Variants in GLG1 observed in about 807,000 individuals in gnomAD.
GLG1 encodes the protein golgi glycoprotein 1.
In GLG1, 38 loss-of-function variants were observed where a neutral mutation model predicts 160.5. The observed-to-expected ratio is 0.24, with a 90% CI of 0.18 to 0.31. GLG1 has a LOEUF of 0.31. Among genes scored for constraint, GLG1 ranks in the 10% least tolerant of loss-of-function variants. GLG1 has a pLI of 1.00. For synonymous variants in GLG1, 644 were observed against 543.4 expected, an observed-to-expected ratio of 1.19 and a Z score of -2.57; for missense variants, 1,373 against 1,505.2, an observed-to-expected ratio of 0.91 and a Z score of 1.45.
chr16:74,549,851 C>T (rs1456089934), intron 1 of GLG1, among the ~76,000 whole-genome samples: 4 of 151,862 alleles, frequency 2.6e-5, no homozygotes, highest in African/African-American at 4.8e-5. Flanking sequence ...TGGTGGCTCA[C>T]GCCTGTAATC....
intron 1 of GLG1, among the ~76,000 whole-genome samples, chr16:74,573,203 C>T (rs1250544621): frequency 6.6e-6 from 1 of 151,916 alleles, no homozygotes; most frequent in Non-Finnish European, 1.5e-5. Flanking sequence ...TATTTCTAGA[C>T]AAAAAAACCC....
chr16:74,468,139 T>C (rs2015066039), intron 17 of GLG1: 2 of 263,194 alleles, frequency 7.6e-6, no homozygotes, highest in Non-Finnish European at 1.4e-5. Flanking sequence ...AAAACCATTA[T>C]ATAAATGTAG....
chr16:74,602,959 A>G (rs1958476876), intron 1 of GLG1, among the ~76,000 whole-genome samples: 1 of 151,674 alleles, frequency 6.6e-6, no homozygotes, highest in Admixed American at 6.6e-5. Context: ...TGAGGAGTTC[A>G]AGACCAGCCT....
rs575576658 is a variant in GLG1, at chr16:74,543,604, G to A, written c.439-11451C>T. ...GCTTAGATAACATCATTCTACAGTT[G>A]GTAGAAAAAAGGTATACATCAATAA... On this transcript the variant is annotated intron_variant, in intron 1 of 25. Coordinates refer to ENST00000422840, the MANE Select transcript of GLG1 (RefSeq NM_001145667.2). 1.8e-3 allele frequency among the ~76,000 whole-genome samples: 280 copies of A among 151,984 alleles called. 4 individuals are homozygous for A. The highest frequency in any genetic ancestry group is 6.5e-3 in the African/African-American group (269 of 41,478).
chr16:74,592,541 C>G (rs1286223726), intron 1 of GLG1, among the ~76,000 whole-genome samples: 7 of 152,076 alleles, frequency 4.6e-5, no homozygotes, highest in Admixed American at 4.6e-4. Context: ...TCTCTTAAGG[C>G]AGCGAACAAA....
At chr16:74,479,070 A>AAAAAAAAAAAAAAAAAAAAAAC (rs2015502211) in intron 11 of GLG1, among the ~76,000 whole-genome samples, 1 of 132,676 alleles carries the variant, frequency 7.5e-6, no homozygotes, top group African/African-American at 2.8e-5. Flanking sequence ...AAAAAAAAAA[A>AAAAAAAAAAAAAAAAAAAAAAC]AAAAAAAAGC....
intron 4 of GLG1, among the ~76,000 whole-genome samples, chr16:74,502,389 T>A (rs2016437159): frequency 6.6e-6 from 1 of 152,226 alleles, no homozygotes; most frequent in African/African-American, 2.4e-5. Context: ...TTATTTTCTT[T>A]CCTGTCTTTA....
chr16:74,511,129 C>A (rs150735013), intron 2 of GLG1, among the ~76,000 whole-genome samples: 1 of 151,978 alleles, frequency 6.6e-6, no homozygotes, highest in Non-Finnish European at 1.5e-5. Flanking sequence ...CCAAGAATAA[C>A]GGGGAATCGC....
intron 9 of GLG1, among the ~76,000 whole-genome samples, chr16:74,484,459 A>G (rs2015720078): frequency 6.6e-6 from 1 of 151,478 alleles, no homozygotes; most frequent in Non-Finnish European, 1.5e-5. Flanking sequence ...CGCCACCAAC[A>G]CCCCACTAAT....
intron 1 of GLG1, among the ~76,000 whole-genome samples, chr16:74,546,793 A>G (rs2550841): frequency 7.7e-6 from 1 of 129,802 alleles, no homozygotes; most frequent in Non-Finnish European, 1.6e-5. Flanking sequence ...AGCTGAGATC[A>G]TGCCACTGCA....
intron 1 of GLG1, among the ~76,000 whole-genome samples, chr16:74,563,806 A>G (rs1054898383): frequency 6.6e-6 from 1 of 152,240 alleles, no homozygotes; most frequent in Non-Finnish European, 1.5e-5. Context: ...TTCTACTGCA[A>G]AGGCTATGGT....
At chr16:74,461,157 T>C (rs2014775574) in intron 22 of GLG1, among the ~76,000 whole-genome samples, 1 of 152,042 alleles carries the variant, frequency 6.6e-6, no homozygotes, top group Non-Finnish European at 1.5e-5. Flanking sequence ...CTTACGGCCA[T>C]TATAGAATTA....
intron 2 of GLG1, among the ~76,000 whole-genome samples, chr16:74,513,152 T>C (rs1003675913): frequency 6.6e-6 from 1 of 152,158 alleles, no homozygotes; most frequent in African/African-American, 2.4e-5. Context: ...TGGATAATTT[T>C]GACCAAAGAA....
intron 1 of GLG1, among the ~76,000 whole-genome samples, chr16:74,602,241 T>C (rs1958454221): frequency 2.0e-5 from 3 of 152,288 alleles, no homozygotes; most frequent in African/African-American, 7.2e-5. Flanking sequence ...GCTTAGAGCA[T>C]GGCTACAAAT....
Position 74,532,119 on chromosome 16 carries a change from A to G in GLG1, c.471+2T>C. 1 of 1,383,838 alleles carries G rather than the reference A, an allele frequency of 7.2e-7. No individual in the cohort carries two copies. The highest frequency in any genetic ancestry group is 1.8e-5 in the South Asian group (1 of 54,730). 85.7% of individuals were successfully genotyped at this position (1,383,838 alleles called of 1,614,324 possible). A position where few individuals can be genotyped will look rare whatever the true frequency, so the allele number is the denominator to read the frequency against. ...GGCGCATCACAGAAAATCCATACTTACATGATTGCAGTCTGAAGAAATTTC... is the reference window on the plus strand; with the variant it reads ...GGCGCATCACAGAAAATCCATACTTGCATGATTGCAGTCTGAAGAAATTTC... On this transcript the variant is annotated splice_donor_variant, in intron 2 of 25. Coordinates refer to ENST00000422840, the MANE Select transcript of GLG1 (RefSeq NM_001145667.2). LOFTEE classifies it high-confidence loss of function.
At chr16:74,548,600 C>G (rs2018112900) in intron 1 of GLG1, among the ~76,000 whole-genome samples, 1 of 152,212 alleles carries the variant, frequency 6.6e-6, no homozygotes, top group African/African-American at 2.4e-5. Context: ...TTCTCCCAAA[C>G]AACTTCCTTC....
chr16:74,483,876 G>C (rs1308378939), intron 9 of GLG1, among the ~76,000 whole-genome samples: 1 of 151,940 alleles, frequency 6.6e-6, no homozygotes, highest in Non-Finnish European at 1.5e-5. Context: ...AGCCAGGATG[G>C]TCTCGATCTC....
Position 74,456,773 on chromosome 16 carries a change from T to G in GLG1, c.3266-18A>C. 1 of 1,420,552 alleles carries G rather than the reference T, an allele frequency of 7.0e-7. No homozygotes were observed. The highest frequency in any genetic ancestry group is 1.0e-6 in the Non-Finnish European group (1 of 1,003,252). The allele number at this position is 1,420,552 out of a possible 1,614,324, so 88.0% of individuals were successfully genotyped here. On this transcript the variant is annotated intron_variant, in intron 24 of 25. Transcript: ENST00000422840. ...GGACATTTCTGTGGGAGGAAATGAA[T>G]AATAAGAAGAACCTGAAACTGTACA...
At chr16:74,573,203 C>CAA (rs889189874) in intron 1 of GLG1, among the ~76,000 whole-genome samples, 1 of 151,916 alleles carries the variant, frequency 6.6e-6, no homozygotes. Context: ...TATTTCTAGA[C>CAA]AAAAAAACCC....
Sources: allele counts gnomAD v4.1 joint callset (sites outside exome capture counted in the v4.1 genomes callset), GRCh38; gene constraint gnomAD v4.1.1; transcripts MANE v1.5; gene names NCBI Gene and HGNC (gene_info 2026-07-23, HGNC 2026-07-21).